COL28A1: variants seen among roughly 807,000 people sequenced by gnomAD.
The protein encoded by COL28A1 is collagen type XXVIII alpha 1 chain, also known as collagen alpha-1(XXVIII) chain.
A neutral mutation model predicts 150.2 loss-of-function variants in COL28A1; 161 were observed. That is an observed-to-expected ratio of 1.07 (90% CI 0.94 to 1.22). COL28A1 has a LOEUF of 1.22. Among genes scored for constraint, COL28A1 ranks in the 50% most tolerant of loss-of-function variants. COL28A1 has a pLI of 0.00. For synonymous variants in COL28A1, 552 were observed against 469.7 expected (o/e 1.18, Z -2.26); for missense variants, 1,617 against 1,388.3 (o/e 1.16, Z -2.62).
At chr7:7,374,038 A>AAATATATATATAT in intron 31 of COL28A1, among the ~76,000 whole-genome samples, 1 of 113,654 alleles carries the variant, frequency 8.8e-6, no homozygotes, top group African/African-American at 3.8e-5. Flanking sequence ...AAAAAAAAAA[A>AAATATATATATAT]ATATATATAT....
intron 27 of COL28A1, among the ~76,000 whole-genome samples, chr7:7,385,471 T>C (rs767598737): frequency 4.6e-5 from 7 of 152,218 alleles, no homozygotes; most frequent in Non-Finnish European, 7.3e-5. Flanking sequence ...CTAGGAGTTA[T>C]ATGTTTAGAC....
upstream of COL28A1, among the ~76,000 whole-genome samples, chr7:7,539,222 G>A (rs962729708): frequency 6.6e-6 from 1 of 152,206 alleles, no homozygotes; most frequent in Non-Finnish European, 1.5e-5. Flanking sequence ...CAATTCTGCA[G>A]TCTATGCAAG....
intron 3 of COL28A1, among the ~76,000 whole-genome samples, chr7:7,526,349 A>C (rs1017663198): frequency 2.0e-5 from 3 of 152,266 alleles, no homozygotes; most frequent in Non-Finnish European, 4.4e-5. Flanking sequence ...CATTGGATCT[A>C]CACATTTCAA....
chr7:7,387,778 G>A (rs1782277087), intron 27 of COL28A1, among the ~76,000 whole-genome samples: 1 of 152,134 alleles, frequency 6.6e-6, no homozygotes, highest in Admixed American at 6.6e-5. Context: ...CGTACCAAGT[G>A]GTTGCAAAAA....
intron 26 of COL28A1, among the ~76,000 whole-genome samples, chr7:7,418,281 A>G: frequency 6.6e-6 from 1 of 152,224 alleles, no homozygotes; most frequent in South Asian, 2.1e-4. Flanking sequence ...AAAACCACTG[A>G]CATGTGGCTC....
intron 3 of COL28A1, among the ~76,000 whole-genome samples, chr7:7,527,502 G>T (rs1782093713): frequency 6.6e-6 from 1 of 152,208 alleles, no homozygotes; most frequent in Admixed American, 6.5e-5. Context: ...TTTAAAGGGA[G>T]TGGATGGAAG....
chr7:7,452,293 T>C, intron 18 of COL28A1, 26 bp downstream of exon 18: 1 of 1,595,280 alleles, frequency 6.3e-7, no homozygotes, highest in East Asian at 2.3e-5. Context: ...AAGTATCATA[T>C]CACTTCTGAG....
intron 8 of COL28A1, among the ~76,000 whole-genome samples, chr7:7,514,302 G>A (rs1781305415): frequency 6.6e-6 from 1 of 152,084 alleles, no homozygotes; most frequent in South Asian, 2.1e-4. Flanking sequence ...TACATTTGTA[G>A]ACAAGCCAAC....
chr7:7,500,547 C>T (rs1192884300), intron 11 of COL28A1, among the ~76,000 whole-genome samples: 2 of 152,178 alleles, frequency 1.3e-5, no homozygotes, highest in Non-Finnish European at 2.9e-5. Flanking sequence ...TACATGGAAG[C>T]TCAAAGGAGA....
rs145758245 is a variant in COL28A1 at position 7,450,843 on chromosome 7, G to A, written c.1509+1476C>T. Among the ~76,000 whole-genome samples the A allele has an allele frequency of 1.6e-3, 241 of 152,162 alleles. 2 individuals are homozygous for A. The highest frequency in any genetic ancestry group is 5.2e-3 in the African/African-American group (216 of 41,544). Reference sequence around the variant, plus strand: ...TTTTCATACAGTGGAATACTATAACGCGATTAATATCAATGAATTAGAGGC... The same window carrying A: ...TTTTCATACAGTGGAATACTATAACACGATTAATATCAATGAATTAGAGGC... On this transcript the variant is annotated intron_variant, in intron 18 of 34. Coordinates refer to ENST00000399429, the MANE Select transcript of COL28A1 (RefSeq NM_001037763.3).
chr7:7,353,338 T>A (rs1200730485), downstream of COL28A1, among the ~76,000 whole-genome samples: 1 of 152,186 alleles, frequency 6.6e-6, no homozygotes, highest in Non-Finnish European at 1.5e-5. Flanking sequence ...ACTCTCTTTT[T>A]CTCTTCAGAC....
chr7:7,464,884 G>A (rs536188371), intron 15 of COL28A1, among the ~76,000 whole-genome samples: 1 of 152,182 alleles, frequency 6.6e-6, no homozygotes, highest in South Asian at 2.1e-4. Context: ...TAAATTGATA[G>A]ACCATCAGCA....
chr7:7,408,606 T>A (rs1383300342), intron 27 of COL28A1, among the ~76,000 whole-genome samples: 1 of 152,172 alleles, frequency 6.6e-6, no homozygotes, highest in Non-Finnish European at 1.5e-5. Flanking sequence ...AAGTGATTAT[T>A]ACAGCCCCAC....
At chr7:7,446,602 T>G (rs1786279813) in intron 18 of COL28A1, among the ~76,000 whole-genome samples, 1 of 152,220 alleles carries the variant, frequency 6.6e-6, no homozygotes, top group Non-Finnish European at 1.5e-5. Context: ...TCTACCTAAT[T>G]TATTTTATGA....
intron 1 of COL28A1, among the ~76,000 whole-genome samples, chr7:7,533,274 T>G (rs760962611): frequency 6.6e-6 from 1 of 152,156 alleles, no homozygotes; most frequent in Non-Finnish European, 1.5e-5. Flanking sequence ...ATTTCCAAAT[T>G]CTTCAGGGGG....
intron 21 of COL28A1, among the ~76,000 whole-genome samples, chr7:7,439,103 T>G (rs1785560598): frequency 6.6e-6 from 1 of 152,204 alleles, no homozygotes; most frequent in Non-Finnish European, 1.5e-5. Context: ...AAAATTCAAT[T>G]GCATGAGCTT....
intron 25 of COL28A1, among the ~76,000 whole-genome samples, chr7:7,421,592 A>G (rs1784391348): frequency 6.6e-6 from 1 of 152,166 alleles, no homozygotes; most frequent in South Asian, 2.1e-4. Flanking sequence ...AGCTTCCAAC[A>G]CTGCAAAAAC....
chr7:7,434,423 C>T (rs1785199057), intron 23 of COL28A1, among the ~76,000 whole-genome samples: 1 of 152,110 alleles, frequency 6.6e-6, no homozygotes, highest in Admixed American at 6.5e-5. Flanking sequence ...ATAAGTTTTC[C>T]ACTTATCTCC....
In COL28A1 at chr7:7,443,751, G is replaced by A. The variant is rs547020558; in HGVS notation, c.1582-98C>T. 4 of 1,513,980 alleles carry A rather than the reference G, an allele frequency of 2.6e-6. No homozygotes were observed. In the African/African-American group the frequency reaches 4.1e-5, roughly 16 times the overall value. The allele number at this position is 1,513,980 out of a possible 1,614,324, so 93.8% of individuals were successfully genotyped here. A position where few individuals can be genotyped will look rare whatever the true frequency, so the allele number is the denominator to read the frequency against. On this transcript the variant is annotated intron_variant, in intron 19 of 34. Coordinates refer to ENST00000399429, the MANE Select transcript of COL28A1 (RefSeq NM_001037763.3). ...CCTTTTATCATTAGTGGATTCAGCT[G>A]AGACTCTCCAAAACACACCATACCT...
Sources: allele counts gnomAD v4.1 joint callset (sites outside exome capture counted in the v4.1 genomes callset), GRCh38; gene constraint gnomAD v4.1.1; transcripts MANE v1.5; gene names NCBI Gene and HGNC (gene_info 2026-07-23, HGNC 2026-07-21).